Variants in DNAJC17 observed in about 807,000 individuals in gnomAD.
DNAJC17 encodes the protein DnaJ heat shock protein family (Hsp40) member C17.
In DNAJC17, 35 loss-of-function variants were observed where a neutral mutation model predicts 48.1. That is an observed-to-expected ratio of 0.73 (90% CI 0.56 to 0.96). The LOEUF (loss-of-function observed/expected upper bound fraction) is 0.96. DNAJC17 is among the 50% of genes least tolerant of loss of function. The probability of loss-of-function intolerance (pLI) is 0.00; values close to 1 mark genes in which losing one functional copy is unlikely to be tolerated. For synonymous variants in DNAJC17, 117 were observed against 142.7 expected (o/e 0.82, Z 1.28); for missense variants, 355 against 377.1 (o/e 0.94, Z 0.48).
At chr15:40,779,781 C>T (rs745874195) in intron 2 of DNAJC17, 147 bp downstream of exon 2, 41 of 1,121,354 alleles carry the variant, frequency 3.7e-5, no homozygotes, top group Non-Finnish European at 4.9e-5. Context: ...AGACACCCCT[C>T]ACAGGAGGGA....
intron 4 of DNAJC17, among the ~76,000 whole-genome samples, chr15:40,778,606 C>G (rs1250386573): frequency 1.3e-5 from 2 of 152,188 alleles, no homozygotes; most frequent in African/African-American, 2.4e-5. Flanking sequence ...CCAGCAAGCT[C>G]TTAAACTTTT....
At position 40,774,223 on chromosome 15, in the gene DNAJC17, G is replaced by A. The variant is rs1889251633; in HGVS notation, c.681+133C>T. On this transcript the variant is annotated intron_variant, in intron 9 of 10. Coordinates refer to ENST00000220496, the MANE Select transcript of DNAJC17 (RefSeq NM_018163.3). ...TCCAGGAGTCAGGGGCCCCTGGGAA[G>A]AGCCTTGGCTCTAAGCTGGCCTGGA... 3 of 1,021,448 alleles carry A rather than the reference G, an allele frequency of 2.9e-6. No individual in the cohort carries two copies. In the Admixed American group the frequency reaches 6.5e-5, roughly 22 times the overall value. 63.3% of individuals were successfully genotyped at this position (1,021,448 alleles called of 1,614,324 possible).
At chr15:40,768,306 G>A (rs994024115) in intron 10 of DNAJC17, among the ~76,000 whole-genome samples, 5 of 152,156 alleles carry the variant, frequency 3.3e-5, no homozygotes, top group Non-Finnish European at 1.5e-5. Context: ...CCCAGGCCGC[G>A]TCAGCTCCGG....
At chr15:40,772,787 T>C (rs1043019981) in intron 10 of DNAJC17, among the ~76,000 whole-genome samples, 2 of 152,116 alleles carry the variant, frequency 1.3e-5, no homozygotes, top group African/African-American at 2.4e-5. Flanking sequence ...TGGGGACAGG[T>C]GTGGCCAGGA....
intron 1 of DNAJC17, among the ~76,000 whole-genome samples, chr15:40,793,154 A>G (rs1889853958): frequency 7.8e-6 from 1 of 128,966 alleles, no homozygotes; most frequent in Non-Finnish European, 1.7e-5. Flanking sequence ...CGGCCTCCCA[A>G]AGTGCTGGGA....
intron 1 of DNAJC17, among the ~76,000 whole-genome samples, chr15:40,794,536 G>A (rs981369646): frequency 6.6e-6 from 1 of 152,028 alleles, no homozygotes; most frequent in Non-Finnish European, 1.5e-5. Flanking sequence ...CCCTGGCATG[G>A]TGGTGCACAC....
At chr15:40,802,511 A>G (rs1890100996) in intron 1 of DNAJC17, among the ~76,000 whole-genome samples, 2 of 152,162 alleles carry the variant, frequency 1.3e-5, no homozygotes, top group Admixed American at 1.3e-4. Context: ...TGAAACATCC[A>G]CATGGAGGGA....
intron 4 of DNAJC17, among the ~76,000 whole-genome samples, chr15:40,777,642 CAGG>C (rs1286288905): frequency 1.3e-5 from 2 of 151,680 alleles, no homozygotes; most frequent in Non-Finnish European, 2.9e-5. Flanking sequence ...CGCTTGAACC[CAGG>C]AGGCAGAGGT....
rs566903193 is a variant in DNAJC17, at chr15:40,806,908, T to C, written c.78+461A>G. Among the ~76,000 whole-genome samples the C allele has an allele frequency of 5.4e-5, 7 of 130,432 alleles. No individual in the cohort carries two copies. In the East Asian group the frequency reaches 1.4e-3, roughly 27 times the overall value. The allele number at this position is 130,432 out of a possible 152,430, so 85.6% of individuals were successfully genotyped here. A position where few individuals can be genotyped will look rare whatever the true frequency, so the allele number is the denominator to read the frequency against. ...GAGACAGCAGGGTCATCGGTCACATTGGCAAGGGGGCATGAAAAGGGAGTG... is the reference window on the plus strand; with the variant it reads ...GAGACAGCAGGGTCATCGGTCACATCGGCAAGGGGGCATGAAAAGGGAGTG... On this transcript the variant is annotated intron_variant, in intron 1 of 10. Transcript: ENST00000220496.
At chr15:40,775,443 C>G (rs534078681) in intron 7 of DNAJC17, 110 bp downstream of exon 7, 8 of 1,262,630 alleles carry the variant, frequency 6.3e-6, no homozygotes, top group Non-Finnish European at 9.2e-6. Context: ...GCGGGCTCCA[C>G]GCAGATCCAG....
intron 6 of DNAJC17, 97 bp from the exon 7 acceptor site, chr15:40,775,693 T>C: frequency 7.7e-7 from 1 of 1,299,860 alleles, no homozygotes; most frequent in Non-Finnish European, 1.1e-6. Flanking sequence ...CTGGAAAGGG[T>C]CACTCCTGAC....
intron 8 of DNAJC17, among the ~76,000 whole-genome samples, 175 bp from the exon 9 acceptor site, chr15:40,774,611 A>T (rs942551321): frequency 1.3e-5 from 2 of 152,234 alleles, no homozygotes; most frequent in African/African-American, 2.4e-5. Flanking sequence ...AAAGAAAGAA[A>T]TTTTTTTCTA....
intron 1 of DNAJC17, among the ~76,000 whole-genome samples, chr15:40,806,888 A>G (rs893063649): frequency 4.0e-5 from 6 of 150,332 alleles, no homozygotes; most frequent in African/African-American, 1.5e-4. Context: ...AAATAGAGAC[A>G]GCAGGGTCAT....
In DNAJC17 at chr15:40,776,303, G is replaced by A. The variant is rs771415170; in HGVS notation, c.382-11C>T. On this transcript the variant is annotated splice_polypyrimidine_tract_variant and intron_variant, in intron 5 of 10. Transcript: ENST00000220496. ...TCTCAGGCGTTCGATCTGCAGAGCAGGGGGTGGGGGTGACAATTCTGTGCA... is the reference window on the plus strand; with the variant it reads ...TCTCAGGCGTTCGATCTGCAGAGCAAGGGGTGGGGGTGACAATTCTGTGCA... 6 of 1,612,762 alleles carry A rather than the reference G, an allele frequency of 3.7e-6. No homozygotes were observed. The highest frequency in any genetic ancestry group is 1.1e-5 in the South Asian group (1 of 90,862).
In DNAJC17 at chr15:40,802,618, C is replaced by T. The variant is rs140293478; in HGVS notation, c.78+4751G>A. Among the ~76,000 whole-genome samples, 249 of 152,242 alleles carry T rather than the reference C, an allele frequency of 1.6e-3. 1 individual carries two copies. The East Asian group carries it at 0.022, about 14-fold the overall frequency. On this transcript the variant is annotated intron_variant, in intron 1 of 10. Transcript: ENST00000220496. Reference sequence around the variant, plus strand: ...GGTGCTCATCACTACCACTGAACCGCGCTGGACAGGGCCAGGGAGCCTTAG... The same window carrying T: ...GGTGCTCATCACTACCACTGAACCGTGCTGGACAGGGCCAGGGAGCCTTAG...
At chr15:40,804,443 A>T (rs1378657469) in intron 1 of DNAJC17, among the ~76,000 whole-genome samples, 4 of 151,648 alleles carry the variant, frequency 2.6e-5, no homozygotes, top group African/African-American at 9.7e-5. Context: ...AACAAACACA[A>T]AACAAATTAG....
intron 1 of DNAJC17, among the ~76,000 whole-genome samples, chr15:40,783,078 G>C (rs1419112640): frequency 6.8e-6 from 1 of 147,976 alleles, no homozygotes; most frequent in Non-Finnish European, 1.5e-5. Flanking sequence ...TGTCATCTTT[G>C]CAATATATCA....
chr15:40,802,751 C>T (rs1890105692), intron 1 of DNAJC17, among the ~76,000 whole-genome samples: 2 of 152,076 alleles, frequency 1.3e-5, no homozygotes, highest in African/African-American at 4.8e-5. Flanking sequence ...TGCAGTTTCG[C>T]CATCAGTAAC....
intron 1 of DNAJC17, among the ~76,000 whole-genome samples, chr15:40,789,838 G>A (rs1181145197): frequency 2.3e-5 from 3 of 131,402 alleles, no homozygotes; most frequent in African/African-American, 2.9e-5. Context: ...CCCGGGAGGC[G>A]CATCTTGCAG....
Sources: allele counts gnomAD v4.1 joint callset (sites outside exome capture counted in the v4.1 genomes callset), GRCh38; gene constraint gnomAD v4.1.1; transcripts MANE v1.5; gene names NCBI Gene and HGNC (gene_info 2026-07-23, HGNC 2026-07-21).